MICOS10: variants seen among roughly 807,000 people sequenced by gnomAD.
MICOS10 encodes the protein mitochondrial contact site and cristae organizing system subunit 10, also known as MICOS complex subunit MIC10.
MICOS10 carries 5 observed loss-of-function variants against 13.4 expected under a neutral mutation model. That is an observed-to-expected ratio of 0.37 (90% CI 0.20 to 0.78). The LOEUF is 0.78. Ranked by LOEUF, MICOS10 falls within the 30% of genes least tolerant of loss-of-function variation. The pLI, the probability that MICOS10 is intolerant of heterozygous loss-of-function variation, is 0.47. For synonymous variants in MICOS10, 35 were observed against 33.6 expected (o/e 1.04, Z -0.15); for missense variants, 101 against 94.6 (o/e 1.07, Z -0.28).
Position 19,628,437 on chromosome 1 carries a change from A to G in MICOS10, c.*2036A>G, listed in dbSNP as rs1440991855. The G allele has an allele frequency of 1.0e-5, 1 of 98,422 alleles. No individual in the cohort carries two copies. The highest frequency in any genetic ancestry group is 1.3e-4 in the Admixed American group (1 of 7,674). 6.1% of individuals were successfully genotyped at this position (98,422 alleles called of 1,614,324 possible). A position where few individuals can be genotyped will look rare whatever the true frequency, so the allele number is the denominator to read the frequency against. ...GGTGGCTCACACCTGTAATCCCAGCACTTTGGGAGGCCAAGGCAGGTGGAT... is the reference window on the plus strand; with the variant it reads ...GGTGGCTCACACCTGTAATCCCAGCGCTTTGGGAGGCCAAGGCAGGTGGAT... On this transcript the variant is annotated 3_prime_UTR_variant, in exon 4 of 4. Transcript: ENST00000322753.
At chr1:19,601,799 A>G (rs1489969087) in intron 1 of MICOS10, among the ~76,000 whole-genome samples, 2 of 152,154 alleles carry the variant, frequency 1.3e-5, no homozygotes, top group African/African-American at 4.8e-5. Context: ...AGTGATGGGC[A>G]CAGTGGGCCC....
intron 1 of MICOS10, among the ~76,000 whole-genome samples, chr1:19,599,751 A>G (rs968051037): frequency 2.6e-5 from 4 of 152,212 alleles, no homozygotes; most frequent in Admixed American, 1.3e-4. Flanking sequence ...AGGAGCTGGG[A>G]TTAGAACCCA....
At chr1:19,598,557 G>A (rs1325811208) in intron 1 of MICOS10, among the ~76,000 whole-genome samples, 2 of 151,614 alleles carry the variant, frequency 1.3e-5, no homozygotes, top group East Asian at 1.9e-4. Context: ...CGGGAGGATC[G>A]CCTGAGATCA....
At chr1:19,623,641 C>G in intron 3 of MICOS10, 58 bp downstream of exon 3, 1 of 1,231,962 alleles carries the variant, frequency 8.1e-7, no homozygotes, top group Non-Finnish European at 1.2e-6. Flanking sequence ...CTCCTGAGCC[C>G]TGAAGAATTC....
chr1:19,615,773 A>AAC (rs1451923727), intron 1 of MICOS10, among the ~76,000 whole-genome samples: 2 of 151,806 alleles, frequency 1.3e-5, no homozygotes, highest in East Asian at 3.9e-4. Context: ...TCAAAGAATA[A>AAC]ACACTCTATA....
chr1:19,626,863 C>T lies in MICOS10; in HGVS notation c.*462C>T, dbSNP rs1293624116. 1 of 172,508 alleles carries T rather than the reference C, an allele frequency of 5.8e-6. No homozygotes were observed. Among genetic ancestry groups the T allele is most frequent in the East Asian group, 1.5e-4 (1 of 6,830 alleles). The allele number at this position is 172,508 out of a possible 1,614,324, so 10.7% of individuals were successfully genotyped here. Reference sequence around the variant, plus strand: ...GTGGCCTGATGGAGATGACTGATGTCTTAAGGCGCCTTTCCTTCTGTGGCA... The same window carrying T: ...GTGGCCTGATGGAGATGACTGATGTTTTAAGGCGCCTTTCCTTCTGTGGCA... On this transcript the variant is annotated 3_prime_UTR_variant, in exon 4 of 4. Transcript: ENST00000322753.
At chr1:19,624,580 G>T (rs908028602) in intron 3 of MICOS10, among the ~76,000 whole-genome samples, 1 of 152,222 alleles carries the variant, frequency 6.6e-6, no homozygotes, top group African/African-American at 2.4e-5. Flanking sequence ...GAGCCACTGT[G>T]CCTGGCCTTC....
At position 19,626,424 on chromosome 1, in the gene MICOS10, G is replaced by C. The variant is rs568850747; in HGVS notation, c.*23G>C. On this transcript the variant is annotated 3_prime_UTR_variant, in exon 4 of 4. Transcript: ENST00000322753. ...TGACTTCACCTGAGAACATCCCAGCGGGAGGACAAGAGAAATCATGTTTAT... is the reference window on the plus strand; with the variant it reads ...TGACTTCACCTGAGAACATCCCAGCCGGAGGACAAGAGAAATCATGTTTAT... 14 of 1,613,550 alleles carry C rather than the reference G, an allele frequency of 8.7e-6. No homozygotes were observed. In the East Asian group the frequency reaches 2.9e-4, roughly 33 times the overall value.
intron 1 of MICOS10, among the ~76,000 whole-genome samples, chr1:19,621,831 A>G (rs951594801): frequency 6.6e-6 from 1 of 152,072 alleles, no homozygotes; most frequent in African/African-American, 2.4e-5. Context: ...TCCACTCTAG[A>G]ACAGTCTCCT....
intron 1 of MICOS10, among the ~76,000 whole-genome samples, chr1:19,610,675 C>T (rs2094857320): frequency 6.6e-6 from 1 of 152,078 alleles, no homozygotes; most frequent in Non-Finnish European, 1.5e-5. Flanking sequence ...GTTATTGTAA[C>T]ACTCTGACAT....
Position 19,626,650 on chromosome 1 carries a change from T to A in MICOS10, c.*249T>A. Reference sequence around the variant, plus strand: ...AGGAAGTCCATTGCATGGCCTTTGTTTCTTCACCTTTGGTCTCTGAGCATG... The same window carrying A: ...AGGAAGTCCATTGCATGGCCTTTGTATCTTCACCTTTGGTCTCTGAGCATG... On this transcript the variant is annotated 3_prime_UTR_variant, in exon 4 of 4. Transcript: ENST00000322753. 2.1e-6 allele frequency: 1 copy of A among 486,918 alleles called. No homozygotes were observed. Among genetic ancestry groups the A allele is most frequent in the Non-Finnish European group, 3.8e-6 (1 of 265,974 alleles). The allele number at this position is 486,918 out of a possible 1,614,324, so 30.2% of individuals were successfully genotyped here.
intron 1 of MICOS10, among the ~76,000 whole-genome samples, chr1:19,599,358 A>G (rs1035908651): frequency 5.3e-5 from 8 of 152,166 alleles, no homozygotes; most frequent in African/African-American, 1.9e-4. Flanking sequence ...CACCCAGCCA[A>G]TAGTTGTTGA....
chr1:19,621,262 G>A (rs1234946432), intron 1 of MICOS10, among the ~76,000 whole-genome samples: 3 of 152,164 alleles, frequency 2.0e-5, no homozygotes, highest in African/African-American at 7.2e-5. Flanking sequence ...TGACTTGTGC[G>A]GTAGGATTGG....
intron 1 of MICOS10, among the ~76,000 whole-genome samples, chr1:19,606,113 C>A (rs923105069): frequency 3.3e-5 from 5 of 151,974 alleles, no homozygotes; most frequent in African/African-American, 1.2e-4. Context: ...ATGAGCTGAT[C>A]AAATGAGAGG....
intron 2 of MICOS10, among the ~76,000 whole-genome samples, chr1:19,622,792 C>A (rs1040673498): frequency 6.6e-6 from 1 of 152,026 alleles, no homozygotes; most frequent in African/African-American, 2.4e-5. Context: ...ATGTAAATAT[C>A]GGTAAAATGC....
At chr1:19,609,174 ATTT>A (rs1052650185) in intron 1 of MICOS10, among the ~76,000 whole-genome samples, 1 of 149,896 alleles carries the variant, frequency 6.7e-6, no homozygotes, top group Non-Finnish European at 1.5e-5. Flanking sequence ...TTAAAAAAAA[ATTT>A]TTTTTTTAAT....
chr1:19,605,337 A>G (rs1264710735), intron 1 of MICOS10, among the ~76,000 whole-genome samples: 1 of 152,182 alleles, frequency 6.6e-6, no homozygotes, highest in South Asian at 2.1e-4. Context: ...AAATTGTGCA[A>G]TTATCACAAT....
rs948258130 is a variant in MICOS10, at chr1:19,623,399, T to C, written c.113-75T>C. 23 of 833,354 alleles carry C rather than the reference T, an allele frequency of 2.8e-5. No individual in the cohort carries two copies. In the African/African-American group the frequency reaches 3.6e-4, roughly 13 times the overall value. The allele number at this position is 833,354 out of a possible 1,614,324, so 51.6% of individuals were successfully genotyped here. On this transcript the variant is annotated intron_variant, in intron 2 of 3. Coordinates refer to ENST00000322753, the MANE Select transcript of MICOS10 (RefSeq NM_001032363.4). ...GAATATTTATTGAACCCTAAGTAAA[T>C]GTATTTAAGAGGATGGGGAGCTTTA...
chr1:19,612,803 A>G (rs2094868800), intron 1 of MICOS10, among the ~76,000 whole-genome samples: 1 of 152,216 alleles, frequency 6.6e-6, no homozygotes, highest in African/African-American at 2.4e-5. Flanking sequence ...AAACTCAGGC[A>G]CATTCTTTCA....
Sources: allele counts gnomAD v4.1 joint callset (sites outside exome capture counted in the v4.1 genomes callset), GRCh38; gene constraint gnomAD v4.1.1; transcripts MANE v1.5; gene names NCBI Gene and HGNC (gene_info 2026-07-23, HGNC 2026-07-21).